Variants in CFAP20DC observed in about 807,000 individuals in gnomAD.
The protein encoded by CFAP20DC is CFAP20 domain containing, also known as protein CFAP20DC.
CFAP20DC carries 84 observed loss-of-function variants against 101.7 expected under a neutral mutation model. That is an observed-to-expected ratio of 0.83 (90% confidence interval 0.69 to 0.99). CFAP20DC has a LOEUF of 0.99. Ranked by LOEUF, CFAP20DC falls within the 50% of genes least tolerant of loss-of-function variation. The pLI is 0.00. For missense variants in CFAP20DC, 1,007 were observed against 970.3 expected (o/e 1.04, Z -0.50); for synonymous variants, 359 against 351.2 (o/e 1.02, Z -0.25).
chr3:58,763,046 G>A (rs1247744537), intron 15 of CFAP20DC, among the ~76,000 whole-genome samples: 1 of 152,088 alleles, frequency 6.6e-6, no homozygotes, highest in Non-Finnish European at 1.5e-5. Flanking sequence ...GAGTATCTTT[G>A]TGGCGTTCTC....
At chr3:58,835,169 T>C (rs1168821881) in intron 13 of CFAP20DC, among the ~76,000 whole-genome samples, 1 of 152,192 alleles carries the variant, frequency 6.6e-6, no homozygotes, top group Admixed American at 6.5e-5. Context: ...GACATACTTC[T>C]GTCGTCATGG....
At chr3:58,908,820 A>C (rs747549527) in intron 6 of CFAP20DC, among the ~76,000 whole-genome samples, 3 of 152,194 alleles carry the variant, frequency 2.0e-5, no homozygotes, top group Non-Finnish European at 2.9e-5. Flanking sequence ...ATCCGGTGTT[A>C]AAAAGAATTG....
intron 3 of CFAP20DC, among the ~76,000 whole-genome samples, chr3:59,044,337 C>G (rs1021851514): frequency 6.6e-6 from 1 of 152,048 alleles, no homozygotes; most frequent in African/African-American, 2.4e-5. Context: ...GTAAAAATAG[C>G]TATAAATTTC....
intron 4 of CFAP20DC, chr3:58,970,432 C>G (rs2091884905): frequency 6.6e-6 from 1 of 152,110 alleles, no homozygotes; most frequent in African/African-American, 2.4e-5. Context: ...GATACACCTA[C>G]AAACAAAGGA....
chr3:58,812,721 T>C (rs1207786842), intron 14 of CFAP20DC, among the ~76,000 whole-genome samples: 1 of 151,168 alleles, frequency 6.6e-6, no homozygotes, highest in South Asian at 2.1e-4. Context: ...TAAAATAAAA[T>C]AAAAAAAGAA....
chr3:58,977,651 GA>G (rs1343242703), intron 4 of CFAP20DC, among the ~76,000 whole-genome samples: 1 of 151,732 alleles, frequency 6.6e-6, no homozygotes, highest in East Asian at 1.9e-4. Flanking sequence ...AGACATTGGG[GA>G]TATAAGAATT....
chr3:58,816,950 A>G lies in CFAP20DC; in HGVS notation c.2176-10494T>C, dbSNP rs188621847. Among the ~76,000 whole-genome samples, 83 of 152,332 alleles carry G rather than the reference A, an allele frequency of 5.4e-4. No individual in the cohort carries two copies. In the East Asian group the frequency reaches 6.4e-3, roughly 12 times the overall value. On this transcript the variant is annotated intron_variant, in intron 14 of 16. Transcript: ENST00000482387. ...GCACGCAGCTGGAGATCTGAGAACCAGCAGACTGCCTCCTCAAGTGGGTCC... is the reference window on the plus strand; with the variant it reads ...GCACGCAGCTGGAGATCTGAGAACCGGCAGACTGCCTCCTCAAGTGGGTCC...
rs191243471 is a variant in CFAP20DC, at chr3:59,007,191, G to A, written c.278+32366C>T. Among the ~76,000 whole-genome samples the A allele has an allele frequency of 6.6e-6, 1 of 152,052 alleles. No homozygotes were observed. The highest frequency in any genetic ancestry group is 1.9e-4 in the East Asian group (1 of 5,166). On this transcript the variant is annotated intron_variant, in intron 4 of 16. Coordinates refer to ENST00000482387, the MANE Select transcript of CFAP20DC (RefSeq NM_001394063.1). The surrounding 1 kb of genome is among the most constrained non-coding windows in gnomAD (Gnocchi z 4.4). The stretch of plus-strand genomic sequence containing the variant: ...CCCAACAGTGGCTGTGGCAAGCCCC[G>A]CCCCAGGAGAGTCTGAGCTCATACT...
intron 14 of CFAP20DC, among the ~76,000 whole-genome samples, chr3:58,821,679 A>G (rs1459656287): frequency 6.6e-6 from 1 of 151,578 alleles, no homozygotes; most frequent in African/African-American, 2.4e-5. Context: ...AAATAGGAAC[A>G]CTTTTACACT....
intron 14 of CFAP20DC, among the ~76,000 whole-genome samples, chr3:58,810,949 G>A (rs560040084): frequency 4.6e-5 from 7 of 151,914 alleles, no homozygotes. Flanking sequence ...GAACTCCCAT[G>A]CACAATTGCT....
intron 2 of CFAP20DC, 67 bp downstream of exon 2, chr3:59,047,098 C>T: frequency 9.5e-7 from 1 of 1,051,486 alleles, no homozygotes; most frequent in Non-Finnish European, 1.4e-6. Context: ...TGATCACGCC[C>T]TTTCTTCTAT....
At chr3:58,771,752 T>C (rs987577562) in intron 15 of CFAP20DC, among the ~76,000 whole-genome samples, 2 of 152,166 alleles carry the variant, frequency 1.3e-5, no homozygotes, top group African/African-American at 4.8e-5. Flanking sequence ...AAACAATCCC[T>C]GTCTTCCATT....
chr3:58,996,750 G>A (rs974906828), intron 4 of CFAP20DC, among the ~76,000 whole-genome samples: 3 of 152,208 alleles, frequency 2.0e-5, no homozygotes, highest in Non-Finnish European at 2.9e-5. Context: ...AGGAAGGAGA[G>A]TGCTGATTTA....
intron 15 of CFAP20DC, among the ~76,000 whole-genome samples, chr3:58,797,081 T>C (rs141466828): frequency 1.3e-5 from 2 of 152,290 alleles, no homozygotes; most frequent in East Asian, 1.9e-4. Flanking sequence ...AGGCCGATTA[T>C]TGATAATAAC....
chr3:58,861,275 AATAAT>A lies in CFAP20DC; in HGVS notation c.1593+2278_1593+2282del, dbSNP rs1316961018. On this transcript the variant is annotated intron_variant, in intron 12 of 16. Coordinates refer to ENST00000482387, the MANE Select transcript of CFAP20DC (RefSeq NM_001394063.1). The surrounding 1 kb of genome is among the most constrained non-coding windows in gnomAD (Gnocchi z 4.0). ...ATTACACTTTATAAACTTCAAGCATAATAATATAATTGTTATTCACTTGTCCACCA... is the reference window on the plus strand; with the variant it reads ...ATTACACTTTATAAACTTCAAGCATAATAATTGTTATTCACTTGTCCACCA... 3.1e-6 allele frequency: 2 copies of A among 644,206 alleles called. No homozygotes were observed. Among genetic ancestry groups the A allele is most frequent in the Admixed American group, 1.3e-4 (2 of 15,816 alleles). The allele number at this position is 644,206 out of a possible 1,614,324, so 39.9% of individuals were successfully genotyped here.
At chr3:58,871,308 T>C (rs1012263060) in intron 7 of CFAP20DC, among the ~76,000 whole-genome samples, 2 of 152,092 alleles carry the variant, frequency 1.3e-5, no homozygotes, top group African/African-American at 2.4e-5. Flanking sequence ...GCTAGGGTCA[T>C]ACTGAAAAGA....
At chr3:58,752,028 A>G (rs2068610883) in intron 16 of CFAP20DC, among the ~76,000 whole-genome samples, 1 of 152,102 alleles carries the variant, frequency 6.6e-6, no homozygotes, top group South Asian at 2.1e-4. Flanking sequence ...TAAACTGGAA[A>G]CTTGAGCCCA....
chr3:58,808,761 C>A (rs1259041974), intron 14 of CFAP20DC, among the ~76,000 whole-genome samples: 10 of 152,262 alleles, frequency 6.6e-5, no homozygotes, highest in Non-Finnish European at 1.0e-4. Context: ...TTAAAAGACA[C>A]AGACTGGCAA....
chr3:58,755,032 T>A (rs1360659559), intron 15 of CFAP20DC, among the ~76,000 whole-genome samples: 1 of 152,156 alleles, frequency 6.6e-6, no homozygotes, highest in Non-Finnish European at 1.5e-5. Flanking sequence ...AAGGTAGAAA[T>A]GGACTTTGTT....
Sources: gnomAD v4.1 joint callset for allele counts (sites outside exome capture counted in the v4.1 genomes callset) on GRCh38, gnomAD v4.1.1 for gene constraint, Gnocchi (gnomAD v3.1) non-coding constraint, MANE v1.5 for transcripts, NCBI Gene and HGNC (gene_info 2026-07-23, HGNC 2026-07-21) for gene names.